Variants in FMO4 observed in about 807,000 individuals in gnomAD.
FMO4 encodes the protein flavin containing dimethylaniline monoxygenase 4, also known as dimethylaniline monooxygenase [N-oxide-forming] 4.
Under a neutral mutation model 43.3 loss-of-function variants are expected in FMO4, and 38 were observed. That is an observed-to-expected ratio of 0.88 (90% CI 0.68 to 1.15). The LOEUF (loss-of-function observed/expected upper bound fraction) is 1.15, where lower values mean the gene tolerates loss of function less well. FMO4 is among the 50% of genes most tolerant of loss of function. The pLI, the probability that FMO4 is intolerant of heterozygous loss-of-function variation, is 0.00. For missense variants in FMO4, 631 were observed against 663.3 expected (o/e 0.95, Z 0.54); for synonymous variants, 224 against 232.2 (o/e 0.96, Z 0.32).
rs748266769 is a variant in FMO4 at position 171,334,581 on chromosome 1, C to A, written c.998C>A (p.Ser333Tyr). 1.9e-6 allele frequency: 3 copies of A among 1,613,656 alleles called. No homozygotes were observed. Among genetic ancestry groups the A allele is most frequent in the African/African-American group, 1.3e-5 (1 of 74,896 alleles). The change falls in exon 8 of 10, where the codon TCT (serine) becomes TAT (tyrosine). Residue 333 changes from serine (S) to tyrosine (Y), a missense_variant. Coordinates refer to ENST00000367749, the MANE Select transcript of FMO4 (RefSeq NM_002022.3). ...ATCTTCACTACAGGATATACATTTTCTTTTCCATTTTTTGAAGAACCTCTT... is the reference window on the plus strand; with the variant it reads ...ATCTTCACTACAGGATATACATTTTATTTTCCATTTTTTGAAGAACCTCTT... ...VVIFTTGYTFSFPFFEEPLKS... is the reference protein window; with the variant it reads ...VVIFTTGYTFYFPFFEEPLKS...
chr1:171,329,806 C>T (rs1218443957), intron 5 of FMO4, among the ~76,000 whole-genome samples: 2 of 152,220 alleles, frequency 1.3e-5, no homozygotes, highest in Non-Finnish European at 2.9e-5. Context: ...ACTGGCCTCA[C>T]ACACACAGTT....
rs769682113 is a variant in FMO4 at position 171,332,846 on chromosome 1, T to G, written c.765T>G (p.Ile255Met). The change falls in exon 7 of 10, where the codon ATT becomes ATG. Residue 255 changes from isoleucine (I) to methionine (M), a missense_variant. Physicochemically the swap from Ile to Met is conservative, Grantham distance 10 (BLOSUM62 1). Coordinates refer to ENST00000367749, the MANE Select transcript of FMO4 (RefSeq NM_002022.3). ...QVLPSRFLNW[I>M]QERKLNKRFN... Reference sequence around the variant, plus strand: ...TGCCTTCACGTTTTCTAAACTGGATTCAAGAAAGGAAGTTGAATAAGAGAT... The same window carrying G: ...TGCCTTCACGTTTTCTAAACTGGATGCAAGAAAGGAAGTTGAATAAGAGAT... 1 of 1,608,414 alleles carries G rather than the reference T, an allele frequency of 6.2e-7. No homozygotes were observed. Among genetic ancestry groups the G allele is most frequent in the Non-Finnish European group, 8.5e-7 (1 of 1,174,888 alleles).
chr1:171,331,879 A>C, intron 6 of FMO4, 97 bp downstream of exon 6: 1 of 1,049,090 alleles, frequency 9.5e-7, no homozygotes, highest in Admixed American at 2.0e-5. Context: ...CCAATTGCTA[A>C]ATTATGCAGA....
At chr1:171,333,826 G>A (rs116461402) in intron 7 of FMO4, among the ~76,000 whole-genome samples, 1 of 152,168 alleles carries the variant, frequency 6.6e-6, no homozygotes, top group Non-Finnish European at 1.5e-5. Flanking sequence ...ATATGTATCA[G>A]TATAAATTTT....
intron 5 of FMO4, among the ~76,000 whole-genome samples, chr1:171,331,079 C>G (rs1275568323): frequency 6.6e-6 from 1 of 152,138 alleles, no homozygotes; most frequent in Non-Finnish European, 1.5e-5. Context: ...TTAATTGAAT[C>G]AAAATTTAAT....
chr1:171,325,816 CCTTTTTTTTTTTTTTTTTTTTT>C (rs1368118794), intron 5 of FMO4, among the ~76,000 whole-genome samples: 71 of 75,590 alleles, frequency 9.4e-4, no homozygotes, highest in African/African-American at 3.0e-3. Context: ...CATAGACTAT[CCTTTTTTTTTTTTTTTTTTTTT>C]TTTTTTTTTT....
At chr1:171,316,585 ATGGCTAGT>A (rs1242004114) in intron 2 of FMO4, among the ~76,000 whole-genome samples, 3 of 152,230 alleles carry the variant, frequency 2.0e-5, no homozygotes, top group African/African-American at 4.8e-5. Flanking sequence ...TCAGGGTCAT[ATGGCTAGT>A]TGGTAGCAGA....
At chr1:171,332,579 AT>A (rs1258498817) in intron 6 of FMO4, 129 bp from the exon 7 acceptor site, 1 of 672,146 alleles carries the variant, frequency 1.5e-6, no homozygotes, top group Non-Finnish European at 2.6e-6. Flanking sequence ...ATGTAGACCT[AT>A]GTACAAATTC....
Position 171,331,813 on chromosome 1 carries a change from C to T in FMO4, c.627+31C>T, listed in dbSNP as rs772887376. 2.5e-6 allele frequency: 4 copies of T among 1,606,114 alleles called. No homozygotes were observed. In the African/African-American group the frequency reaches 5.4e-5, roughly 22 times the overall value. ...TCATCTCTGAATTAATGCCCCTAAT[C>T]CCATCATCAGTTATGATGGCTGGAA... On this transcript the variant is annotated intron_variant, in intron 6 of 9. Coordinates refer to ENST00000367749, the MANE Select transcript of FMO4 (RefSeq NM_002022.3).
At chr1:171,321,804 T>C (rs1662441458) in intron 3 of FMO4, among the ~76,000 whole-genome samples, 1 of 152,092 alleles carries the variant, frequency 6.6e-6, no homozygotes, top group African/African-American at 2.4e-5. Context: ...TGTAGTCCGG[T>C]GGGAAACAGA....
At chr1:171,322,571 G>A (rs866953950) in intron 3 of FMO4, among the ~76,000 whole-genome samples, 10 of 152,214 alleles carry the variant, frequency 6.6e-5, no homozygotes, top group African/African-American at 2.4e-4. Flanking sequence ...TACAAATAGT[G>A]GCTGGGTGCA....
intron 5 of FMO4, among the ~76,000 whole-genome samples, chr1:171,327,292 C>T (rs1011757681): frequency 6.6e-6 from 1 of 152,186 alleles, no homozygotes; most frequent in Non-Finnish European, 1.5e-5. Context: ...CCAGGCTGGA[C>T]GTCCCATTGG....
intron 5 of FMO4, among the ~76,000 whole-genome samples, chr1:171,325,031 C>T (rs944868706): frequency 6.6e-6 from 1 of 152,260 alleles, no homozygotes; most frequent in Admixed American, 6.5e-5. Flanking sequence ...TTGCTTGAAC[C>T]TGGGGGAGTG....
rs1430909219 is a variant in FMO4, at chr1:171,342,046, C to G, written c.*207C>G. The G allele has an allele frequency of 3.7e-6, 2 of 543,704 alleles. No individual in the cohort carries two copies. The highest frequency in any genetic ancestry group is 6.5e-6 in the Non-Finnish European group (2 of 307,540). 33.7% of individuals were successfully genotyped at this position (543,704 alleles called of 1,614,324 possible). On this transcript the variant is annotated 3_prime_UTR_variant, in exon 10 of 10. Transcript: ENST00000367749. The stretch of plus-strand genomic sequence containing the variant: ...CAATGCATCTTCTACCCTGCTACCT[C>G]AGTGATTATTCTAAAATAAATATAT...
Position 171,341,839 on chromosome 1 carries a change from A to G in FMO4, c.1677A>G (p.Ter559TrpextTer2). The part of the protein sequence containing the change: ...SPYLVSLWRG[*>W] ...ACCTAGTAAGTCTTTGGCGAGGATG[A>G]ACCTGATTGTTACAAGGGTTACACA... The change falls in exon 10 of 10, where the codon TGA becomes TGG. Residue 559 changes from the stop codon to tryptophan (W), a stop_lost. Transcript: ENST00000367749. The G allele has an allele frequency of 6.2e-7, 1 of 1,607,246 alleles. No individual in the cohort carries two copies. Among genetic ancestry groups the G allele is most frequent in the East Asian group, 2.2e-5 (1 of 44,776 alleles).
At chr1:171,341,295 T>C (rs955002754) in intron 9 of FMO4, 118 bp from the exon 10 acceptor site, 4 of 689,376 alleles carry the variant, frequency 5.8e-6, no homozygotes, top group African/African-American at 3.6e-5. Flanking sequence ...TTCCCAAATA[T>C]GGTTTGATTT....
In FMO4 at chr1:171,333,180, G is replaced by T. The variant is rs1044579149; in HGVS notation, c.827+272G>T. The T allele has an allele frequency of 1.9e-5, 5 of 262,256 alleles. No homozygotes were observed. The South Asian group carries it at 2.0e-4, about 11-fold the overall frequency. The allele number at this position is 262,256 out of a possible 1,614,324, so 16.2% of individuals were successfully genotyped here. A position where few individuals can be genotyped will look rare whatever the true frequency, so the allele number is the denominator to read the frequency against. On this transcript the variant is annotated intron_variant, in intron 7 of 9. Coordinates refer to ENST00000367749, the MANE Select transcript of FMO4 (RefSeq NM_002022.3). The stretch of plus-strand genomic sequence containing the variant: ...GCTGTTACAAATATCACATATTTTT[G>T]TTGTTGTTGTTGTTGTTGTTGGGGT...
intron 2 of FMO4, among the ~76,000 whole-genome samples, chr1:171,319,155 G>A (rs1662308284): frequency 6.6e-6 from 1 of 152,166 alleles, no homozygotes; most frequent in African/African-American, 2.4e-5. Context: ...GGTGAATGCG[G>A]GTATTTTATT....
chr1:171,336,518 G>A (rs1663123025), intron 8 of FMO4, among the ~76,000 whole-genome samples: 1 of 152,164 alleles, frequency 6.6e-6, no homozygotes, highest in African/African-American at 2.4e-5. Flanking sequence ...CAGAGCCTGG[G>A]TGAGACTGAC....
Sources: allele counts gnomAD v4.1 joint callset (sites outside exome capture counted in the v4.1 genomes callset), GRCh38; gene constraint gnomAD v4.1.1; transcripts MANE v1.5; gene names NCBI Gene and HGNC (gene_info 2026-07-23, HGNC 2026-07-21).